KCNH1: variants seen among roughly 807,000 people sequenced by gnomAD.
KCNH1 encodes the protein voltage-gated delayed rectifier potassium channel KCNH1.
Under a neutral mutation model 69.2 loss-of-function variants are expected in KCNH1, and 27 were observed. The observed-to-expected ratio is 0.39, with a 90% CI of 0.29 to 0.54. KCNH1 has a LOEUF of 0.54. KCNH1 is among the 20% of genes least tolerant of loss of function. The pLI is 0.68. For missense variants in KCNH1, 798 were observed against 1,261.6 expected (o/e 0.63, Z 5.57); for synonymous variants, 456 against 487.7 (o/e 0.93, Z 0.86).
At chr1:211,128,611 G>T (rs1171826687) in intron 1 of KCNH1, among the ~76,000 whole-genome samples, 3 of 152,116 alleles carry the variant, frequency 2.0e-5, no homozygotes, top group Non-Finnish European at 4.4e-5. Flanking sequence ...CTTGACACAG[G>T]TGGCGATGGC....
chr1:211,082,904 G>A lies in KCNH1; in HGVS notation c.440-6C>T. The A allele has an allele frequency of 6.2e-7, 1 of 1,611,082 alleles. No individual in the cohort carries two copies. Among genetic ancestry groups the A allele is most frequent in the Non-Finnish European group, 8.5e-7 (1 of 1,177,850 alleles). ...CCGAGCAAACTTCCCCCAGCCTGAA[G>A]CAAGTGGAAGAGTGAAAAGACAGGG... On this transcript the variant is annotated splice_polypyrimidine_tract_variant and splice_region_variant and intron_variant, in intron 4 of 10. Coordinates refer to ENST00000271751, the MANE Select transcript of KCNH1 (RefSeq NM_172362.3).
At chr1:211,125,087 G>A (rs577809061) in intron 1 of KCNH1, among the ~76,000 whole-genome samples, 1 of 152,216 alleles carries the variant, frequency 6.6e-6, no homozygotes, top group Non-Finnish European at 1.5e-5. Flanking sequence ...GCAAGCTAGA[G>A]ACATAACCTT....
intron 10 of KCNH1, among the ~76,000 whole-genome samples, chr1:210,707,005 T>C (rs1681930208): frequency 6.6e-6 from 1 of 152,168 alleles, no homozygotes; most frequent in African/African-American, 2.4e-5. Flanking sequence ...CCCTACTGTG[T>C]GGGAATTCAC....
In KCNH1 at chr1:210,987,163, G is replaced by A. The variant is rs947735834; in HGVS notation, c.1032+31620C>T. 1.3e-5 allele frequency among the ~76,000 whole-genome samples: 2 copies of A among 152,072 alleles called. 1 individual carries two copies. Among genetic ancestry groups the A allele is most frequent in the South Asian group, 4.1e-4 (2 of 4,820 alleles). On this transcript the variant is annotated intron_variant, in intron 6 of 10. Transcript: ENST00000271751. Reference sequence around the variant, plus strand: ...GTCCTTTAAGGACTTCTCTGCATTGGTTATTCTAGTTAGCCATTCGTCTAA... The same window carrying A: ...GTCCTTTAAGGACTTCTCTGCATTGATTATTCTAGTTAGCCATTCGTCTAA...
intron 10 of KCNH1, among the ~76,000 whole-genome samples, chr1:210,724,298 A>AT (rs556894996): frequency 4.6e-5 from 7 of 151,550 alleles, no homozygotes; most frequent in South Asian, 4.2e-4. Flanking sequence ...GATGTGGAGT[A>AT]TTTTTTTTTA....
chr1:211,024,755 A>G (rs1689653841), intron 5 of KCNH1, among the ~76,000 whole-genome samples: 1 of 152,074 alleles, frequency 6.6e-6, no homozygotes, highest in African/African-American at 2.4e-5. Context: ...TTTTGTACAT[A>G]TTAATATTTC....
At chr1:210,952,122 C>T (rs980356834) in intron 6 of KCNH1, among the ~76,000 whole-genome samples, 4 of 152,092 alleles carry the variant, frequency 2.6e-5, no homozygotes, top group African/African-American at 9.7e-5. Flanking sequence ...GTCTCTTTAC[C>T]TCCTCTCTCC....
chr1:211,086,911 G>A (rs1049886913), intron 4 of KCNH1, among the ~76,000 whole-genome samples: 1 of 152,202 alleles, frequency 6.6e-6, no homozygotes, highest in African/African-American at 2.4e-5. Context: ...TGGAGAGTCA[G>A]TGCAGACCAC....
At chr1:210,966,094 T>C (rs1688394608) in intron 6 of KCNH1, among the ~76,000 whole-genome samples, 1 of 152,132 alleles carries the variant, frequency 6.6e-6, no homozygotes, top group Non-Finnish European at 1.5e-5. Context: ...TCTACAACCA[T>C]CTGATCTTTG....
chr1:210,986,956 C>T (rs1688850850), intron 6 of KCNH1, among the ~76,000 whole-genome samples: 1 of 152,182 alleles, frequency 6.6e-6, no homozygotes, highest in Admixed American at 6.5e-5. Flanking sequence ...CACATAGTCC[C>T]ATGTTTCTTG....
chr1:210,715,537 T>C lies in KCNH1; in HGVS notation c.2113-31399A>G, dbSNP rs372919767. Among the ~76,000 whole-genome samples the C allele has an allele frequency of 1.3e-3, 200 of 150,096 alleles. 2 individuals are homozygous for C. The Middle Eastern group carries it at 0.024, about 18-fold the overall frequency. On this transcript the variant is annotated intron_variant, in intron 10 of 10. Coordinates refer to ENST00000271751, the MANE Select transcript of KCNH1 (RefSeq NM_172362.3). ...TTAAACAAAAAAAAAAAAAACGTAA[T>C]GGGATTAGTTTGGCTTGGTTCAACT...
At chr1:210,746,648 A>G (rs1167949911) in intron 10 of KCNH1, among the ~76,000 whole-genome samples, 1 of 152,008 alleles carries the variant, frequency 6.6e-6, no homozygotes, top group East Asian at 1.9e-4. Context: ...CATGGGTTCA[A>G]GCGATTATCC....
At chr1:211,112,251 G>A (rs1691483099) in intron 1 of KCNH1, among the ~76,000 whole-genome samples, 1 of 151,196 alleles carries the variant, frequency 6.6e-6, no homozygotes, top group Non-Finnish European at 1.5e-5. Flanking sequence ...CACTGTCTGG[G>A]AAGTGAGGAG....
At chr1:210,927,859 T>C (rs979010121) in intron 6 of KCNH1, among the ~76,000 whole-genome samples, 1 of 151,564 alleles carries the variant, frequency 6.6e-6, no homozygotes, top group African/African-American at 2.4e-5. Context: ...GGTAAAGGGG[T>C]GGAAAAAGAT....
At chr1:211,025,134 C>T (rs1267578985) in intron 5 of KCNH1, among the ~76,000 whole-genome samples, 1 of 152,196 alleles carries the variant, frequency 6.6e-6, no homozygotes, top group Non-Finnish European at 1.5e-5. Context: ...CAAGCTGTGC[C>T]TTCTCATACC....
intron 2 of KCNH1, among the ~76,000 whole-genome samples, chr1:211,104,622 GA>G (rs1691320802): frequency 1.3e-5 from 2 of 152,104 alleles, no homozygotes; most frequent in African/African-American, 4.8e-5. Context: ...AATGCCAGAG[GA>G]GGGGGAAAAA....
chr1:210,957,089 G>C (rs1266979356), intron 6 of KCNH1, among the ~76,000 whole-genome samples: 1 of 152,068 alleles, frequency 6.6e-6, no homozygotes, highest in Non-Finnish European at 1.5e-5. Context: ...CTTTAGCTGT[G>C]TCCCGGAGAA....
intron 10 of KCNH1, among the ~76,000 whole-genome samples, chr1:210,699,732 G>T (rs1681728082): frequency 6.6e-6 from 1 of 152,198 alleles, no homozygotes; most frequent in South Asian, 2.1e-4. Flanking sequence ...TTCTACACAT[G>T]ACTTTTTCCT....
At chr1:211,014,239 T>C (rs1217492336) in intron 6 of KCNH1, among the ~76,000 whole-genome samples, 1 of 152,164 alleles carries the variant, frequency 6.6e-6, no homozygotes, top group African/African-American at 2.4e-5. Flanking sequence ...AATAATTCAA[T>C]CTTTAACACA....
Sources: allele counts gnomAD v4.1 joint callset (sites outside exome capture counted in the v4.1 genomes callset), GRCh38; gene constraint gnomAD v4.1.1; transcripts MANE v1.5; gene names NCBI Gene and HGNC (gene_info 2026-07-23, HGNC 2026-07-21).